The following GSE1 variants were observed in gnomAD, a reference collection of about 807,000 sequenced individuals.
The protein encoded by GSE1 is genetic suppressor element 1.
A neutral mutation model predicts 112.6 loss-of-function variants in GSE1; 32 were observed. The observed-to-expected ratio is 0.28, with a 90% confidence interval of 0.21 to 0.38. The LOEUF (loss-of-function observed/expected upper bound fraction) is 0.38. Ranked by LOEUF, GSE1 falls within the 10% of genes least tolerant of loss-of-function variation. The pLI is 1.00. For synonymous variants in GSE1, 1,115 were observed against 735.6 expected, an observed-to-expected ratio of 1.52 and a Z score of -8.35; for missense variants, 2,348 against 1,699.2, an observed-to-expected ratio of 1.38 and a Z score of -6.71.
At chr16:85,228,076 C>T (rs2075519303) in intron 1 of GSE1, among the ~76,000 whole-genome samples, 1 of 152,082 alleles carries the variant, frequency 6.6e-6, no homozygotes, top group Non-Finnish European at 1.5e-5. Context: ...CGAGTGGCTC[C>T]CTGGGGACGG....
intron 2 of GSE1, among the ~76,000 whole-genome samples, chr16:85,377,145 G>A (rs1304470809): frequency 3.9e-5 from 6 of 152,218 alleles, no homozygotes; most frequent in South Asian, 2.1e-4. Context: ...GGTACCCCTG[G>A]TAGGCCGCAC....
At chr16:85,464,324 C>T (rs1261407329) in intron 2 of GSE1, among the ~76,000 whole-genome samples, 1 of 151,822 alleles carries the variant, frequency 6.6e-6, no homozygotes. Context: ...TGGTTTCCAG[C>T]GCTCTCCTGG....
At chr16:85,483,335 G>T (rs1425059716) in intron 2 of GSE1, among the ~76,000 whole-genome samples, 1 of 152,270 alleles carries the variant, frequency 6.6e-6, no homozygotes, top group Non-Finnish European at 1.5e-5. Flanking sequence ...AAACGGGGCA[G>T]AGGGGAGTAC....
intron 1 of GSE1, among the ~76,000 whole-genome samples, chr16:85,567,844 T>G (rs1225136941): frequency 2.6e-5 from 4 of 152,188 alleles, no homozygotes; most frequent in Non-Finnish European, 5.9e-5. Context: ...TGCCTCAGCC[T>G]CCCAAGTAGC....
intron 1 of GSE1, among the ~76,000 whole-genome samples, chr16:85,226,929 C>T (rs556871452): frequency 6.6e-6 from 1 of 152,150 alleles, no homozygotes; most frequent in Non-Finnish European, 1.5e-5. Flanking sequence ...CTGAGGTTCT[C>T]CTTGCAGGAA....
chr16:85,335,888 G>T (rs1343772281), intron 1 of GSE1, among the ~76,000 whole-genome samples: 1 of 152,182 alleles, frequency 6.6e-6, no homozygotes, highest in Non-Finnish European at 1.5e-5. Flanking sequence ...GAGTTTCCCT[G>T]CCACCCCAGA....
intron 2 of GSE1, among the ~76,000 whole-genome samples, chr16:85,534,128 C>CTT (rs71151302): frequency 0.77 from 114,765 of 148,744 alleles, 44,703 homozygotes; most frequent in East Asian, 0.92. Flanking sequence ...TTTCTTCTTC[C>CTT]TTTTTTTTTT....
chr16:85,224,765 G>A (rs555560856), intron 1 of GSE1, among the ~76,000 whole-genome samples: 37 of 151,632 alleles, frequency 2.4e-4, no homozygotes, highest in African/African-American at 8.5e-4. Context: ...TGAGGTGGGC[G>A]GATCATGAGG....
chr16:85,645,146 T>C (rs1353817066), intron 2 of GSE1, among the ~76,000 whole-genome samples: 1 of 151,276 alleles, frequency 6.6e-6, no homozygotes, highest in African/African-American at 2.4e-5. Context: ...CCGGTCGACT[T>C]GGGGTGGTGG....
At chr16:85,215,975 G>A (rs2075301124) in intron 1 of GSE1, among the ~76,000 whole-genome samples, 1 of 152,206 alleles carries the variant, frequency 6.6e-6, no homozygotes, top group Non-Finnish European at 1.5e-5. Context: ...CCTTGGAGGG[G>A]TGGGCCAGAG....
rs1034969772 is a variant in GSE1 at position 85,255,102 on chromosome 16, C to T, written c.2283+83295C>T. On this transcript the variant is annotated intron_variant, in intron 1 of 2. Transcript: ENST00000637419. ...CAGAGAGGGAGGCGGCGGCGGCGGT[C>T]GCTGTTGCCAGCTTCCGGCTCCCCG... 1.3e-4 allele frequency among the ~76,000 whole-genome samples: 19 copies of T among 148,598 alleles called. No individual in the cohort carries two copies. The East Asian group carries it at 2.6e-3, about 21-fold the overall frequency.
rs55873035 is a variant in GSE1, at chr16:85,468,312, C to CTTTTT, written c.2464+110687_2464+110691dup. Among the ~76,000 whole-genome samples the CTTTTT allele has an allele frequency of 1.4e-4, 16 of 116,706 alleles. No individual in the cohort carries two copies. In the East Asian group the frequency reaches 1.7e-3, roughly 13 times the overall value. 76.6% of individuals were successfully genotyped at this position (116,706 alleles called of 152,430 possible). A position where few individuals can be genotyped will look rare whatever the true frequency, so the allele number is the denominator to read the frequency against. ...CTTCTTCTTGTAGGGCCCTTCTTTC[C>CTTTTT]TTTTTTTTTTTTTTTTTTTTTTGAG... is the stretch of plus-strand genomic sequence containing the variant. On this transcript the variant is annotated intron_variant, in intron 2 of 2. Coordinates refer to the GSE1 transcript ENST00000637419.
intron 2 of GSE1, among the ~76,000 whole-genome samples, chr16:85,524,837 A>G (rs1471981893): frequency 6.6e-6 from 1 of 152,144 alleles, no homozygotes; most frequent in Admixed American, 6.5e-5. Context: ...CAGCCGGTCC[A>G]TGGTCCTGGG....
At chr16:85,215,954 G>A (rs1390112375) in intron 1 of GSE1, among the ~76,000 whole-genome samples, 4 of 152,330 alleles carry the variant, frequency 2.6e-5, no homozygotes, top group Non-Finnish European at 4.4e-5. Flanking sequence ...AAACCCAGCT[G>A]TGAGCAGAGC....
intron 2 of GSE1, among the ~76,000 whole-genome samples, chr16:85,439,939 G>A (rs895996023): frequency 3.3e-4 from 50 of 152,328 alleles, no homozygotes; most frequent in African/African-American, 1.1e-3. Context: ...GGCATACGCA[G>A]AGACACTCAG....
intron 1 of GSE1, among the ~76,000 whole-genome samples, chr16:85,199,536 C>T (rs989189491): frequency 3.3e-5 from 5 of 152,156 alleles, no homozygotes; most frequent in African/African-American, 9.7e-5. Flanking sequence ...TTATCAGAGG[C>T]GCATCGGCTT....
chr16:85,551,497 C>G (rs902780475), upstream of GSE1, among the ~76,000 whole-genome samples: 2 of 152,242 alleles, frequency 1.3e-5, no homozygotes, highest in Non-Finnish European at 2.9e-5. Flanking sequence ...ATCCTTCCCG[C>G]TACCCCGTTC....
At chr16:85,174,822 C>A (rs970617881) in intron 1 of GSE1, among the ~76,000 whole-genome samples, 4 of 152,198 alleles carry the variant, frequency 2.6e-5, no homozygotes, top group African/African-American at 9.7e-5. Context: ...AGCCTGTGAG[C>A]CCCCTGGGGA....
chr16:85,315,298 G>A (rs868247649), intron 1 of GSE1, among the ~76,000 whole-genome samples: 5 of 152,162 alleles, frequency 3.3e-5, no homozygotes, highest in African/African-American at 4.8e-5. Flanking sequence ...CCTGCAGTCC[G>A]GTCTCACTTG....
Sources: gnomAD v4.1 joint callset for allele counts (sites outside exome capture counted in the v4.1 genomes callset) on GRCh38, gnomAD v4.1.1 for gene constraint, MANE v1.5 for transcripts, NCBI Gene and HGNC (gene_info 2026-07-23, HGNC 2026-07-21) for gene names.